SAMMSON: variants seen among roughly 807,000 people sequenced by gnomAD.
SAMMSON encodes survival associated mitochondrial melanoma specific oncogenic non-coding RNA.
At chr3:70,016,837 A>C (rs1295060636) in intron 3 of SAMMSON, among the ~76,000 whole-genome samples, 1 of 152,180 alleles carries the variant, frequency 6.6e-6, no homozygotes, top group African/African-American at 2.4e-5. Flanking sequence ...CATTTATTAA[A>C]TAGGGAATCC....
intron 3 of SAMMSON, among the ~76,000 whole-genome samples, chr3:70,048,808 A>G (rs2067136158): frequency 6.6e-6 from 1 of 152,084 alleles, no homozygotes. Flanking sequence ...TATAGAACTC[A>G]CTTCACAGCT....
intron 3 of SAMMSON, among the ~76,000 whole-genome samples, chr3:70,026,003 C>A (rs1559775729): frequency 6.6e-6 from 1 of 152,022 alleles, no homozygotes; most frequent in African/African-American, 2.4e-5. Flanking sequence ...TGGACCCATG[C>A]ATTTCAAACC....
intron 3 of SAMMSON, among the ~76,000 whole-genome samples, chr3:70,016,847 C>A (rs1251741950): frequency 6.6e-6 from 1 of 152,206 alleles, no homozygotes; most frequent in African/African-American, 2.4e-5. Context: ...ATAGGGAATC[C>A]TTTCCCCATT....
intron 3 of SAMMSON, among the ~76,000 whole-genome samples, chr3:70,053,600 G>A (rs6549267): frequency 0.46 from 69,951 of 152,006 alleles, 17,081 homozygotes; most frequent in East Asian, 0.62. Flanking sequence ...GATACTGTCT[G>A]TGAAATATTT....
intron 2 of SAMMSON, among the ~76,000 whole-genome samples, chr3:70,428,635 A>C (rs1441574268): frequency 1.3e-5 from 2 of 152,204 alleles, no homozygotes; most frequent in South Asian, 2.1e-4. Context: ...CTAGCATAGA[A>C]TTTTGTGAAG....
chr3:70,001,579 C>G (rs1466369029), intron 1 of SAMMSON, among the ~76,000 whole-genome samples: 4 of 151,656 alleles, frequency 2.6e-5, no homozygotes, highest in Non-Finnish European at 5.9e-5. Flanking sequence ...ATTCTTTTAA[C>G]AGTATGTAGA....
At chr3:70,170,603 T>G (rs12714759) in intron 4 of SAMMSON, among the ~76,000 whole-genome samples, 1 of 108,508 alleles carries the variant, frequency 9.2e-6, no homozygotes, top group Non-Finnish European at 2.0e-5. Context: ...TTTTTTTTTG[T>G]ATTTTATGAT....
intron 7 of SAMMSON, among the ~76,000 whole-genome samples, chr3:70,339,799 A>G (rs4479559): frequency 0.84 from 128,025 of 152,122 alleles, 53,956 homozygotes; most frequent in East Asian, 0.93. Context: ...CTTTTACACC[A>G]TTGGTGGGAC....
chr3:70,033,629 G>C (rs2067074162), intron 3 of SAMMSON, among the ~76,000 whole-genome samples: 1 of 152,170 alleles, frequency 6.6e-6, no homozygotes, highest in African/African-American at 2.4e-5. Context: ...TGTCATGCAT[G>C]GAGGTCAGAG....
chr3:70,276,740 T>A (rs536253108), intron 6 of SAMMSON, among the ~76,000 whole-genome samples: 1 of 152,368 alleles, frequency 6.6e-6, no homozygotes, highest in African/African-American at 2.4e-5. Context: ...TTATGTATTA[T>A]CTGTGTTTTC....
rs199942657 is a variant in SAMMSON, at chr3:70,405,014, TAAC to T, written n.233+46699_233+46701del. Among the ~76,000 whole-genome samples the T allele has an allele frequency of 7.2e-3, 1,101 of 151,986 alleles. 11 individuals carry two copies. The highest frequency in any genetic ancestry group is 0.014 in the Middle Eastern group (4 of 292). ...CAAAACCAAAACAAAGCAAAACAAA[TAAC>T]AACAACAAAAAACATCAGTGAAAGA... On this transcript the variant is annotated intron_variant and non_coding_transcript_variant, in intron 2 of 3. Transcript: ENST00000641053.
chr3:70,424,556 T>G (rs1701340063), intron 2 of SAMMSON, among the ~76,000 whole-genome samples: 2 of 152,162 alleles, frequency 1.3e-5, no homozygotes, highest in African/African-American at 4.8e-5. Context: ...CTTTATAACA[T>G]GTAAAAATTA....
chr3:70,036,743 T>C (rs955417563), intron 3 of SAMMSON, among the ~76,000 whole-genome samples: 13 of 152,050 alleles, frequency 8.5e-5, no homozygotes, highest in Non-Finnish European at 1.8e-4. Context: ...TTGATCATGT[T>C]TTCTGAGCAC....
chr3:70,067,545 A>C (rs1303196279), intron 3 of SAMMSON, among the ~76,000 whole-genome samples: 1 of 152,102 alleles, frequency 6.6e-6, no homozygotes, highest in Non-Finnish European at 1.5e-5. Flanking sequence ...GATAAAACCC[A>C]AATACATTCA....
At position 70,417,620 on chromosome 3, in the gene SAMMSON, C is replaced by G. The variant is rs535762489; in HGVS notation, n.234-44940C>G. 4.6e-5 allele frequency among the ~76,000 whole-genome samples: 7 copies of G among 152,252 alleles called. No individual in the cohort carries two copies. In the South Asian group the frequency reaches 1.5e-3, roughly 32 times the overall value. On this transcript the variant is annotated intron_variant and non_coding_transcript_variant, in intron 2 of 3. Coordinates refer to the SAMMSON transcript ENST00000641053. ...CTCAGCTACGAGTATCATCTTTCCT[C>G]CTCTCTGTGTCTTTCTCTACTACTT... is the stretch of plus-strand genomic sequence containing the variant.
intron 4 of SAMMSON, among the ~76,000 whole-genome samples, chr3:70,228,153 T>C (rs1701526349): frequency 6.6e-6 from 1 of 152,024 alleles, no homozygotes; most frequent in Admixed American, 6.6e-5. Flanking sequence ...AGAGTTGTCT[T>C]TACTGTCCTT....
At chr3:70,357,564 C>T (rs1702838693) in intron 8 of SAMMSON, among the ~76,000 whole-genome samples, 2 of 151,858 alleles carry the variant, frequency 1.3e-5, no homozygotes, top group African/African-American at 4.8e-5. Context: ...GAGTGGGGAA[C>T]AACACACACC....
intron 4 of SAMMSON, among the ~76,000 whole-genome samples, chr3:70,153,689 C>A (rs1040367004): frequency 6.6e-6 from 1 of 151,952 alleles, no homozygotes; most frequent in Non-Finnish European, 1.5e-5. Context: ...TCTCAACATT[C>A]TTTTTACTAT....
chr3:70,206,213 C>G (rs1032062965), intron 4 of SAMMSON, among the ~76,000 whole-genome samples: 5 of 151,932 alleles, frequency 3.3e-5, no homozygotes, highest in African/African-American at 1.2e-4. Context: ...TTTCTCTCTG[C>G]CTTCTTTTCT....
Sources: gnomAD v4.1 joint callset for allele counts (sites outside exome capture counted in the v4.1 genomes callset) on GRCh38, gnomAD v4.1.1 for gene constraint, MANE v1.5 for transcripts, NCBI Gene and HGNC (gene_info 2026-07-23, HGNC 2026-07-21) for gene names.